OTUD7A: variants seen among roughly 807,000 people sequenced by gnomAD.
OTUD7A encodes OTU deubiquitinase 7A.
In OTUD7A, 12 loss-of-function variants were observed where a neutral mutation model predicts 65.7. The ratio of observed to expected loss-of-function variants is 0.18; its 90% CI spans 0.12 to 0.30. The LOEUF (loss-of-function observed/expected upper bound fraction) is 0.30. Among genes scored for constraint, OTUD7A ranks in the 10% least tolerant of loss-of-function variants. The pLI is 1.00. For missense variants in OTUD7A, 1,148 were observed against 1,304.8 expected, an observed-to-expected ratio of 0.88 and a Z score of 1.85; for synonymous variants, 641 against 586.3, an observed-to-expected ratio of 1.09 and a Z score of -1.35.
intron 1 of OTUD7A, among the ~76,000 whole-genome samples, chr15:31,836,480 C>T (rs1295901944): frequency 6.6e-6 from 1 of 152,134 alleles, no homozygotes; most frequent in Non-Finnish European, 1.5e-5. Context: ...TCTCAGAAAT[C>T]CTTGCTAAGG....
intron 3 of OTUD7A, among the ~76,000 whole-genome samples, chr15:31,653,710 A>G (rs1410755252): frequency 6.6e-6 from 1 of 151,488 alleles, no homozygotes; most frequent in Non-Finnish European, 1.5e-5. Flanking sequence ...CATGTGTTAA[A>G]GTTCATAGAA....
intron 3 of OTUD7A, among the ~76,000 whole-genome samples, chr15:31,588,068 G>A (rs1259750721): frequency 1.3e-5 from 2 of 151,928 alleles, no homozygotes; most frequent in South Asian, 2.1e-4. Context: ...TGCACATAGA[G>A]CCACTAAAGA....
intron 1 of OTUD7A, among the ~76,000 whole-genome samples, chr15:31,676,721 C>A (rs1892603261): frequency 6.6e-6 from 1 of 152,166 alleles, no homozygotes; most frequent in Non-Finnish European, 1.5e-5. Flanking sequence ...CGCTAACTGA[C>A]AGAATGACAC....
At chr15:31,840,265 C>CAAATAAAT (rs573866593) in intron 1 of OTUD7A, among the ~76,000 whole-genome samples, 22 of 151,674 alleles carry the variant, frequency 1.5e-4, no homozygotes, top group African/African-American at 2.4e-4. Flanking sequence ...ACTAAAAATA[C>CAAATAAAT]AAATAAATAA....
chr15:31,511,936 A>AC (rs2041758876), intron 8 of OTUD7A, among the ~76,000 whole-genome samples: 1 of 151,858 alleles, frequency 6.6e-6, no homozygotes, highest in Non-Finnish European at 1.5e-5. Context: ...TTGAGGTTTA[A>AC]CCCCCACTCA....
chr15:31,724,845 T>G (rs962689754), intron 1 of OTUD7A, among the ~76,000 whole-genome samples: 14 of 151,836 alleles, frequency 9.2e-5, no homozygotes, highest in African/African-American at 3.4e-4. Flanking sequence ...AGCTTAAGGG[T>G]AGGTCCTCCT....
intron 1 of OTUD7A, among the ~76,000 whole-genome samples, chr15:31,681,509 T>C (rs1892717101): frequency 6.6e-6 from 1 of 151,886 alleles, no homozygotes; most frequent in Admixed American, 6.6e-5. Flanking sequence ...CAATCTATCT[T>C]GTTTGTGTGC....
chr15:31,821,414 G>A (rs548080483), intron 1 of OTUD7A, among the ~76,000 whole-genome samples: 35 of 150,536 alleles, frequency 2.3e-4, no homozygotes, highest in Non-Finnish European at 4.4e-4. Flanking sequence ...AAAGTGCTGA[G>A]ATTACAGGCG....
rs1156763040 is a variant in OTUD7A, at chr15:31,785,138, CTGCAAGTACACTTTGATGGATCTAGACCA to C, written c.-100+85340_-100+85368del. 3.3e-5 allele frequency among the ~76,000 whole-genome samples: 5 copies of C among 152,288 alleles called. No homozygotes were observed. In the South Asian group the frequency reaches 1.0e-3, roughly 32 times the overall value. On this transcript the variant is annotated intron_variant, in intron 1 of 12. Transcript: ENST00000307050. The stretch of plus-strand genomic sequence containing the variant: ...AAGTACACTTTGATGGATCTAAATC[CTGCAAGTACACTTTGATGGATCTAGACCA>C]TGCAAGTACACTTTGATGGAACCAG...
chr15:31,543,541 G>T (rs1888044927), intron 5 of OTUD7A, among the ~76,000 whole-genome samples: 1 of 151,816 alleles, frequency 6.6e-6, no homozygotes, highest in South Asian at 2.1e-4. Context: ...TATAGGTAAA[G>T]GTATGAAAGG....
At chr15:31,514,030 T>A (rs901419873) in intron 8 of OTUD7A, among the ~76,000 whole-genome samples, 2 of 148,092 alleles carry the variant, frequency 1.4e-5, no homozygotes, top group African/African-American at 5.0e-5. Flanking sequence ...CATCATTTCT[T>A]TTTTTCTTTT....
intron 1 of OTUD7A, among the ~76,000 whole-genome samples, chr15:31,822,535 C>T (rs976160890): frequency 8.6e-5 from 13 of 152,004 alleles, no homozygotes; most frequent in Non-Finnish European, 1.9e-4. Flanking sequence ...ACTGTGATTC[C>T]CCAGCCTGCA....
intron 3 of OTUD7A, among the ~76,000 whole-genome samples, chr15:31,619,680 G>A (rs1890713975): frequency 6.6e-6 from 1 of 151,936 alleles, no homozygotes; most frequent in East Asian, 1.9e-4. Context: ...GAGACAATGG[G>A]GTTTTCTAGA....
intron 1 of OTUD7A, among the ~76,000 whole-genome samples, chr15:31,732,187 C>T (rs1249010458): frequency 6.6e-6 from 1 of 152,198 alleles, no homozygotes; most frequent in African/African-American, 2.4e-5. Flanking sequence ...GTCATGCAAA[C>T]AGAACACCTG....
Position 31,558,904 on chromosome 15 carries a change from A to G in OTUD7A, c.550+65T>C, listed in dbSNP as rs143634363. On this transcript the variant is annotated intron_variant, in intron 5 of 12. Transcript: ENST00000307050. ...TGTGCCCTTCTCTTGCTCATAGAGT[A>G]GGTTAGGCCAGCTCACCATTCACCA... is the stretch of plus-strand genomic sequence containing the variant. 1.6e-5 allele frequency: 25 copies of G among 1,523,916 alleles called. No homozygotes were observed. In the East Asian group the frequency reaches 5.3e-4, roughly 32 times the overall value. 94.4% of individuals were successfully genotyped at this position (1,523,916 alleles called of 1,614,324 possible). A position where few individuals can be genotyped will look rare whatever the true frequency, so the allele number is the denominator to read the frequency against.
At chr15:31,547,630 T>G (rs1888174341) in intron 5 of OTUD7A, among the ~76,000 whole-genome samples, 1 of 152,142 alleles carries the variant, frequency 6.6e-6, no homozygotes, top group Non-Finnish European at 1.5e-5. Flanking sequence ...TACAGCAGAT[T>G]CATCACATGA....
chr15:31,632,936 TAA>T (rs1891222978), intron 3 of OTUD7A, among the ~76,000 whole-genome samples: 1 of 152,228 alleles, frequency 6.6e-6, no homozygotes, highest in Non-Finnish European at 1.5e-5. Context: ...ATGCGGGATA[TAA>T]TCTCCTGGTG....
rs142236633 is a variant in OTUD7A at position 31,825,063 on chromosome 15, C to T, written c.-100+45444G>A. ...CTTTCAGAAAGTGTTGCTTGACAGACGCTGACCCAGTGTGATTCTACCTAC... is the reference window on the plus strand; with the variant it reads ...CTTTCAGAAAGTGTTGCTTGACAGATGCTGACCCAGTGTGATTCTACCTAC... On this transcript the variant is annotated intron_variant, in intron 1 of 12. Transcript: ENST00000307050. Among the ~76,000 whole-genome samples, 570 of 152,310 alleles carry T rather than the reference C, an allele frequency of 3.7e-3. 3 individuals carry two copies. The highest frequency in any genetic ancestry group is 6.3e-3 in the Non-Finnish European group (430 of 68,018).
intron 1 of OTUD7A, chr15:31,767,265 C>T: frequency 1.2e-6 from 1 of 856,528 alleles, no homozygotes; most frequent in South Asian, 1.5e-5. Flanking sequence ...TGTTATGTAG[C>T]CACAAACAAC....
Sources: gnomAD v4.1 joint callset for allele counts (sites outside exome capture counted in the v4.1 genomes callset) on GRCh38, gnomAD v4.1.1 for gene constraint, MANE v1.5 for transcripts, NCBI Gene and HGNC (gene_info 2026-07-23, HGNC 2026-07-21) for gene names.